Variants in SNX14 observed in about 807,000 individuals in gnomAD.
The protein encoded by SNX14 is sorting nexin 14.
A neutral mutation model predicts 133.8 loss-of-function variants in SNX14; 93 were observed. The observed-to-expected ratio is 0.70, with a 90% CI of 0.59 to 0.83. SNX14 has a LOEUF of 0.83. Ranked by LOEUF, SNX14 falls within the 40% of genes least tolerant of loss-of-function variation. The pLI, the probability that SNX14 is intolerant of heterozygous loss-of-function variation, is 0.00. For missense variants in SNX14, 945 were observed against 1,094.9 expected, an observed-to-expected ratio of 0.86 and a Z score of 1.93; for synonymous variants, 368 against 365.6, an observed-to-expected ratio of 1.01 and a Z score of -0.07.
At chr6:85,586,870 T>G (rs1801034511) in intron 1 of SNX14, among the ~76,000 whole-genome samples, 1 of 151,966 alleles carries the variant, frequency 6.6e-6, no homozygotes, top group South Asian at 2.1e-4. Flanking sequence ...AACCCCATGT[T>G]GGGAGTCTCC....
intron 1 of SNX14, among the ~76,000 whole-genome samples, chr6:85,579,385 C>T (rs575813266): frequency 7.7e-4 from 118 of 152,258 alleles, no homozygotes; most frequent in African/African-American, 2.6e-3. Context: ...CTCTCATCAT[C>T]CTCCCCACAG....
chr6:85,544,652 C>A (rs1441987079), intron 12 of SNX14, among the ~76,000 whole-genome samples: 1 of 151,988 alleles, frequency 6.6e-6, no homozygotes, highest in Non-Finnish European at 1.5e-5. Context: ...ATTAGCCAGG[C>A]ATGGTGGTGT....
chr6:85,510,175 C>T (rs1011457606), intron 26 of SNX14, among the ~76,000 whole-genome samples: 5 of 152,184 alleles, frequency 3.3e-5, no homozygotes, highest in Non-Finnish European at 7.4e-5. Flanking sequence ...ATTGCCAGAT[C>T]TCATGGTAAG....
At chr6:85,552,450 C>T (rs2128117169) in intron 7 of SNX14, among the ~76,000 whole-genome samples, 2 of 152,158 alleles carry the variant, frequency 1.3e-5, no homozygotes, top group African/African-American at 4.8e-5. Context: ...AGCAGCAATC[C>T]CTCTTAGGGG....
rs536418585 is a variant in SNX14 at position 85,524,496 on chromosome 6, T to C, written c.2107+1630A>G. 2.0e-5 allele frequency among the ~76,000 whole-genome samples: 3 copies of C among 152,208 alleles called. No homozygotes were observed. In the East Asian group the frequency reaches 5.8e-4, roughly 29 times the overall value. ...ATGTCTCTGTTAACAATGAGATCAC[T>C]GGCCAGGCATGGTGCTCACTCACGC... On this transcript the variant is annotated intron_variant, in intron 21 of 28. Transcript: ENST00000314673.
chr6:85,559,832 G>A (rs1219218438), intron 6 of SNX14, among the ~76,000 whole-genome samples: 2 of 152,116 alleles, frequency 1.3e-5, no homozygotes, highest in South Asian at 2.1e-4. Flanking sequence ...ATGCAGGTAA[G>A]GAATTTGAAT....
At chr6:85,591,427 C>T (rs1219788643) in intron 1 of SNX14, among the ~76,000 whole-genome samples, 1 of 152,076 alleles carries the variant, frequency 6.6e-6, no homozygotes, top group Non-Finnish European at 1.5e-5. Flanking sequence ...ATGGAAAACA[C>T]CAAAACATAT....
At chr6:85,540,604 T>A (rs1003163312) in intron 15 of SNX14, among the ~76,000 whole-genome samples, 1 of 152,220 alleles carries the variant, frequency 6.6e-6, no homozygotes, top group Non-Finnish European at 1.5e-5. Flanking sequence ...TAAAGGCATT[T>A]CTACCTTTCA....
rs544462232 is a variant in SNX14 at position 85,545,949 on chromosome 6, C to A, written c.1108+1163G>T. Reference sequence around the variant, plus strand: ...CCACCTGCCTCGGCCTCCCGAAGTGCTGGGATTGTAAGCATGAGCCACTGC... The same window carrying A: ...CCACCTGCCTCGGCCTCCCGAAGTGATGGGATTGTAAGCATGAGCCACTGC... On this transcript the variant is annotated intron_variant, in intron 12 of 28. Coordinates refer to ENST00000314673, the MANE Select transcript of SNX14 (RefSeq NM_153816.6). Among the ~76,000 whole-genome samples, 9 of 152,344 alleles carry A rather than the reference C, an allele frequency of 5.9e-5. No individual in the cohort carries two copies. The East Asian group carries it at 1.5e-3, about 26-fold the overall frequency.
Position 85,558,019 on chromosome 6 carries a change from T to A in SNX14, c.591A>T (p.Ala197=). The change falls in exon 7 of 29, where the codon GCA becomes GCT. Residue 197 remains alanine, a synonymous_variant. Transcript: ENST00000314673. ...PSIITKKLLK[A]AMKHIEVIVK... is the part of the protein sequence containing the mutation. Reference sequence around the variant, plus strand: ...CTATCACTTCTATATGCTTCATTGCTGCTTTTAATAGTTTCTTGGTTATAA... The same window carrying A: ...CTATCACTTCTATATGCTTCATTGCAGCTTTTAATAGTTTCTTGGTTATAA... 6.3e-7 allele frequency: 1 copy of A among 1,594,964 alleles called. No homozygotes were observed. The highest frequency in any genetic ancestry group is 1.1e-5 in the South Asian group (1 of 89,740).
intron 1 of SNX14, among the ~76,000 whole-genome samples, chr6:85,584,384 C>A (rs1799996545): frequency 6.6e-6 from 1 of 152,048 alleles, no homozygotes. Context: ...GCAACAAAGC[C>A]AAAATTGACA....
At chr6:85,567,395 C>T in intron 5 of SNX14, 139 bp downstream of exon 5, 1 of 634,082 alleles carries the variant, frequency 1.6e-6, no homozygotes, top group Non-Finnish European at 2.7e-6. Flanking sequence ...GCCCCCAAAA[C>T]AAATAATTAT....
At chr6:85,518,194 G>T in intron 21 of SNX14, 146 bp from the exon 22 acceptor site, 2 of 609,892 alleles carry the variant, frequency 3.3e-6, no homozygotes, top group East Asian at 3.0e-5. Context: ...CACACTCCAT[G>T]GAAATTTTCA....
Position 85,530,229 on chromosome 6 carries a change from T to C in SNX14, c.1857A>G (p.Glu619=). ...EHWSVYRRYL[E]FYVLESKLTE... is the part of the protein sequence containing the mutation. ...TTAGTTTTGATTCAAGTACATAGAA[T>C]TCAAGATATCTTCTATAGACAGACC... Residue 619 remains glutamate, a synonymous_variant, in exon 19 of 29, where the codon GAA becomes GAG. Coordinates refer to ENST00000314673, the MANE Select transcript of SNX14 (RefSeq NM_153816.6). 6.2e-7 allele frequency: 1 copy of C among 1,602,750 alleles called. No homozygotes were observed. The highest frequency in any genetic ancestry group is 1.1e-5 in the South Asian group (1 of 89,560).
intron 24 of SNX14, 50 bp from the exon 25 acceptor site, chr6:85,514,284 T>C: frequency 6.4e-7 from 1 of 1,556,754 alleles, no homozygotes; most frequent in Non-Finnish European, 8.6e-7. Context: ...GAATTGGTAT[T>C]TTTGAAATTT....
rs755828645 is a variant in SNX14 at position 85,517,743 on chromosome 6, C to A, written c.2268+13G>T. On this transcript the variant is annotated intron_variant, in intron 23 of 28. Transcript: ENST00000314673. ...CTTAAAACTTAATAGTTCTTTAATG[C>A]AATGTGCAGTACCTTCTTGTTGTTT... The A allele has an allele frequency of 1.9e-6, 3 of 1,570,122 alleles. No homozygotes were observed. The highest frequency in any genetic ancestry group is 2.6e-6 in the Non-Finnish European group (3 of 1,166,464).
Position 85,535,031 on chromosome 6 carries a change from T to C in SNX14, c.1609-1231A>G, listed in dbSNP as rs573405645. On this transcript the variant is annotated intron_variant, in intron 17 of 28. Transcript: ENST00000314673. ...GATCTACTTTCTTCTATCCATACTT[T>C]TTTTTTTTTTTTTTTGAGACAGGCT... Among the ~76,000 whole-genome samples the C allele has an allele frequency of 1.2e-3, 180 of 146,734 alleles. 1 individual carries two copies. The highest frequency in any genetic ancestry group is 4.1e-3 in the African/African-American group (168 of 40,634).
intron 20 of SNX14, among the ~76,000 whole-genome samples, chr6:85,527,580 A>AC (rs975684312): frequency 6.6e-6 from 1 of 152,030 alleles, no homozygotes; most frequent in East Asian, 1.9e-4. Context: ...CAAATAAAGT[A>AC]TTTTTTTAAC....
intron 23 of SNX14, 143 bp downstream of exon 23, chr6:85,517,613 T>C (rs1775474950): frequency 2.1e-6 from 2 of 951,926 alleles, no homozygotes; most frequent in South Asian, 2.3e-5. Flanking sequence ...ACCCTCTGTA[T>C]ACCGTTCAAC....
Sources: allele counts gnomAD v4.1 joint callset (sites outside exome capture counted in the v4.1 genomes callset), GRCh38; gene constraint gnomAD v4.1.1; transcripts MANE v1.5; gene names NCBI Gene and HGNC (gene_info 2026-07-23, HGNC 2026-07-21).